The following BABAM2 variants were observed in gnomAD, a reference collection of about 807,000 sequenced individuals.
The protein encoded by BABAM2 is BRISC and BRCA1-A complex member 2.
BABAM2 carries 31 observed loss-of-function variants against 54.7 expected under a neutral mutation model. The observed-to-expected ratio is 0.57, with a 90% CI of 0.43 to 0.77. The LOEUF (loss-of-function observed/expected upper bound fraction) is 0.77, where lower values mean the gene tolerates loss of function less well. Ranked by LOEUF, BABAM2 falls within the 30% of genes least tolerant of loss-of-function variation. The probability of loss-of-function intolerance (pLI) is 0.00; values close to 1 mark genes in which losing one functional copy is unlikely to be tolerated. For synonymous variants in BABAM2, 167 were observed against 162.9 expected, an observed-to-expected ratio of 1.03 and a Z score of -0.19; for missense variants, 364 against 455.8, an observed-to-expected ratio of 0.80 and a Z score of 1.83.
In BABAM2 at chr2:27,936,216, G is replaced by A. The variant is rs1049369431; in HGVS notation, c.205+6308G>A. ...ATTACAGGAGTGAGCCACCATGTCC[G>A]GCCGCAATACAGTATTTTAAAATCA... is the stretch of plus-strand genomic sequence containing the variant. On this transcript the variant is annotated intron_variant, in intron 3 of 11. Coordinates refer to ENST00000379624, the MANE Select transcript of BABAM2 (RefSeq NM_199191.3). Among the ~76,000 whole-genome samples the A allele has an allele frequency of 2.6e-5, 4 of 152,034 alleles. No individual in the cohort carries two copies. In the East Asian group the frequency reaches 5.8e-4, roughly 22 times the overall value.
At chr2:28,056,041 A>T (rs1011150628) in intron 6 of BABAM2, among the ~76,000 whole-genome samples, 13 of 152,148 alleles carry the variant, frequency 8.5e-5, no homozygotes, top group African/African-American at 3.1e-4. Flanking sequence ...CTTAAAAAAA[A>T]TTTCAAATAT....
intron 6 of BABAM2, among the ~76,000 whole-genome samples, chr2:28,109,883 T>G (rs929957460): frequency 1.3e-5 from 2 of 152,238 alleles, no homozygotes; most frequent in African/African-American, 4.8e-5. Context: ...AAAATATATA[T>G]AACATAAAAA....
intron 2 of BABAM2, among the ~76,000 whole-genome samples, chr2:27,904,434 A>T (rs563086849): frequency 6.6e-6 from 1 of 152,242 alleles, no homozygotes; most frequent in Non-Finnish European, 1.5e-5. Context: ...AGACCTCCAG[A>T]TAATCAATCT....
Position 28,231,493 on chromosome 2 carries a change from G to C in BABAM2, c.681-5709G>C, listed in dbSNP as rs115564378. Among the ~76,000 whole-genome samples, 870 of 152,294 alleles carry C rather than the reference G, an allele frequency of 5.7e-3. 7 individuals are homozygous for C. The highest frequency in any genetic ancestry group is 0.02 in the African/African-American group (816 of 41,562). ...ATTTCTCTTAGCTTGGAGTCTGCAG[G>C]CTGCTTGTTTCTACATCCTGGATGT... On this transcript the variant is annotated intron_variant, in intron 7 of 11. Coordinates refer to ENST00000379624, the MANE Select transcript of BABAM2 (RefSeq NM_199191.3).
rs928773997 is a variant in BABAM2, at chr2:28,276,377, C to G, written c.935-21961C>G. 3.3e-4 allele frequency among the ~76,000 whole-genome samples: 50 copies of G among 151,970 alleles called. 1 individual carries two copies. The highest frequency in any genetic ancestry group is 6.8e-3 in the Middle Eastern group (2 of 292). On this transcript the variant is annotated intron_variant, in intron 10 of 11. Coordinates refer to ENST00000379624, the MANE Select transcript of BABAM2 (RefSeq NM_199191.3). Reference sequence around the variant, plus strand: ...TGACTCAGCTCTCATTTAGAAAAAGCCCTAGAATTCAATTCTGATACACTT... The same window carrying G: ...TGACTCAGCTCTCATTTAGAAAAAGGCCTAGAATTCAATTCTGATACACTT...
At chr2:28,183,313 T>C (rs1310442573) in intron 7 of BABAM2, among the ~76,000 whole-genome samples, 1 of 151,982 alleles carries the variant, frequency 6.6e-6, no homozygotes, top group African/African-American at 2.4e-5. Context: ...TGGTGGTGGG[T>C]GCCTGTAATC....
chr2:28,327,250 C>T, intron 11 of BABAM2: 4 of 1,586,638 alleles, frequency 2.5e-6, no homozygotes, highest in South Asian at 1.1e-5. Context: ...CCCTTCTCCT[C>T]CTCCTTCTCA....
In BABAM2 at chr2:28,208,590, TTTC is replaced by T. The variant is rs199983600; in HGVS notation, c.681-28610_681-28608del. Among the ~76,000 whole-genome samples the T allele has an allele frequency of 2.0e-3, 301 of 152,108 alleles. 5 individuals carry two copies. In the East Asian group the frequency reaches 0.042, roughly 21 times the overall value. The stretch of plus-strand genomic sequence containing the variant: ...TTTTTTCCTTTCTTCCTTCCCTCCT[TTTC>T]TCCTTCATTTCCCCTTTCCCTCCCT... On this transcript the variant is annotated intron_variant, in intron 7 of 11. Transcript: ENST00000379624.
intron 7 of BABAM2, among the ~76,000 whole-genome samples, chr2:28,203,895 C>G (rs1678548284): frequency 6.6e-6 from 1 of 152,290 alleles, no homozygotes; most frequent in African/African-American, 2.4e-5. Flanking sequence ...TCCGGAAAGG[C>G]TGCGCCAGTT....
chr2:28,125,492 C>T (rs879494259), intron 6 of BABAM2, among the ~76,000 whole-genome samples: 7 of 151,992 alleles, frequency 4.6e-5, no homozygotes, highest in African/African-American at 7.3e-5. Flanking sequence ...TGGGGTTTAC[C>T]GTGTTGGCCA....
intron 10 of BABAM2, among the ~76,000 whole-genome samples, chr2:28,269,906 T>C (rs1230806138): frequency 3.9e-5 from 6 of 152,162 alleles, no homozygotes; most frequent in Admixed American, 3.3e-4. Flanking sequence ...ATTTGACTGA[T>C]AGTACTTAGT....
At chr2:28,048,188 C>A (rs1677741014) in intron 6 of BABAM2, among the ~76,000 whole-genome samples, 2 of 152,176 alleles carry the variant, frequency 1.3e-5, no homozygotes, top group Non-Finnish European at 2.9e-5. Flanking sequence ...TGGAGTTAGA[C>A]TGCATACCCT....
At chr2:27,933,303 TAAA>T (rs1419163321) in intron 3 of BABAM2, among the ~76,000 whole-genome samples, 3 of 152,104 alleles carry the variant, frequency 2.0e-5, no homozygotes, top group Non-Finnish European at 2.9e-5. Flanking sequence ...CTATAATAAA[TAAA>T]TAATAAGTGA....
chr2:28,056,272 A>T (rs1476539346), intron 6 of BABAM2, among the ~76,000 whole-genome samples: 1 of 152,202 alleles, frequency 6.6e-6, no homozygotes, highest in Non-Finnish European at 1.5e-5. Context: ...CTCTGGCCAT[A>T]AAAACAACCA....
chr2:27,936,379 A>G (rs1490955203), intron 3 of BABAM2, among the ~76,000 whole-genome samples: 2 of 152,212 alleles, frequency 1.3e-5, no homozygotes, highest in Non-Finnish European at 2.9e-5. Context: ...CCATTGTGGA[A>G]GACAGTGTGG....
At chr2:28,276,814 C>T (rs369803716) in intron 10 of BABAM2, among the ~76,000 whole-genome samples, 2 of 152,324 alleles carry the variant, frequency 1.3e-5, no homozygotes, top group African/African-American at 4.8e-5. Context: ...TCACTCTTTA[C>T]GTATGTTAGG....
At position 28,261,044 on chromosome 2, in the gene BABAM2, C is replaced by T. The variant is rs142144541; in HGVS notation, c.934+16182C>T. 2.4e-4 allele frequency among the ~76,000 whole-genome samples: 36 copies of T among 148,034 alleles called. 1 individual carries two copies. In the East Asian group the frequency reaches 5.9e-3, roughly 24 times the overall value. On this transcript the variant is annotated intron_variant, in intron 10 of 11. Coordinates refer to ENST00000379624, the MANE Select transcript of BABAM2 (RefSeq NM_199191.3). ...TCAACCTCCACCTCCTAGATTCAAG[C>T]GATTCTCCTGCCTCAGCCTCCCAAA...
intron 6 of BABAM2, among the ~76,000 whole-genome samples, chr2:28,088,136 T>A (rs1056897693): frequency 6.6e-6 from 1 of 152,228 alleles, no homozygotes; most frequent in Non-Finnish European, 1.5e-5. Flanking sequence ...CTGGCTTACA[T>A]AGATGTCATA....
At chr2:28,052,787 T>G (rs1208878799) in intron 6 of BABAM2, among the ~76,000 whole-genome samples, 1 of 152,208 alleles carries the variant, frequency 6.6e-6, no homozygotes, top group Non-Finnish European at 1.5e-5. Flanking sequence ...AGTGTGTGTA[T>G]GACAGTCACA....
Sources: gnomAD v4.1 joint callset for allele counts (sites outside exome capture counted in the v4.1 genomes callset) on GRCh38, gnomAD v4.1.1 for gene constraint, MANE v1.5 for transcripts, NCBI Gene and HGNC (gene_info 2026-07-23, HGNC 2026-07-21) for gene names.